The following DPP6 variants were observed in gnomAD, a reference collection of about 807,000 sequenced individuals.
DPP6 encodes the protein A-type potassium channel modulatory protein DPP6.
Under a neutral mutation model 122.6 loss-of-function variants are expected in DPP6, and 69 were observed. That is an observed-to-expected ratio of 0.56 (90% CI 0.46 to 0.69). The LOEUF (loss-of-function observed/expected upper bound fraction) is 0.69, where lower values mean the gene tolerates loss of function less well. Among genes scored for constraint, DPP6 ranks in the 30% least tolerant of loss-of-function variants. DPP6 has a pLI of 0.00. For synonymous variants in DPP6, 418 were observed against 433.1 expected (o/e 0.97, Z 0.43); for missense variants, 928 against 1,116.9 (o/e 0.83, Z 2.41).
At chr7:154,774,941 C>T (rs1016774072) in intron 10 of DPP6, among the ~76,000 whole-genome samples, 6 of 152,190 alleles carry the variant, frequency 3.9e-5, no homozygotes, top group African/African-American at 1.4e-4. Flanking sequence ...CGGCTGAGGT[C>T]AGAGTTTCTG....
intron 1 of DPP6, among the ~76,000 whole-genome samples, chr7:154,004,816 T>G (rs1163355812): frequency 6.6e-6 from 1 of 152,232 alleles, no homozygotes. Context: ...TAACTTTTCA[T>G]TTGTTCCCAA....
chr7:153,892,611 A>G (rs944401556), intron 1 of DPP6, among the ~76,000 whole-genome samples: 1 of 152,130 alleles, frequency 6.6e-6, no homozygotes, highest in Non-Finnish European at 1.5e-5. Flanking sequence ...CAAATCTTCT[A>G]TTATTGAAGT....
intron 1 of DPP6, among the ~76,000 whole-genome samples, chr7:154,333,263 T>TG (rs1554519884): frequency 6.6e-6 from 1 of 152,070 alleles, no homozygotes. Context: ...CTTTTTTTTT[T>TG]AAATTGAGTG....
At chr7:154,515,284 A>G (rs1243596977) in intron 3 of DPP6, among the ~76,000 whole-genome samples, 5 of 152,196 alleles carry the variant, frequency 3.3e-5, no homozygotes, top group African/African-American at 9.7e-5. Context: ...ATTCTCTGGA[A>G]TACCATGTGA....
intron 16 of DPP6, among the ~76,000 whole-genome samples, chr7:154,816,424 A>G (rs541389438): frequency 6.6e-6 from 1 of 152,282 alleles, no homozygotes; most frequent in South Asian, 2.1e-4. Context: ...AAAAAACATT[A>G]TATATATGGG....
At chr7:154,645,012 A>C (rs2130958142) in intron 6 of DPP6, among the ~76,000 whole-genome samples, 1 of 148,814 alleles carries the variant, frequency 6.7e-6, no homozygotes, top group Admixed American at 6.7e-5. Context: ...GGCATTGAAG[A>C]GGGGAGAATT....
At chr7:154,540,819 TC>T (rs1421497788) in intron 4 of DPP6, among the ~76,000 whole-genome samples, 193 bp downstream of exon 4, 1 of 152,216 alleles carries the variant, frequency 6.6e-6, no homozygotes, top group Non-Finnish European at 1.5e-5. Flanking sequence ...AAGCACTGTT[TC>T]TTTCATTGTC....
chr7:154,400,373 A>C (rs1368230163), intron 1 of DPP6, among the ~76,000 whole-genome samples: 1 of 152,204 alleles, frequency 6.6e-6, no homozygotes, highest in Non-Finnish European at 1.5e-5. Context: ...GCAGTGACTT[A>C]TGAGGGACAA....
intron 16 of DPP6, among the ~76,000 whole-genome samples, chr7:154,847,021 T>C (rs1801995867): frequency 6.6e-6 from 1 of 152,232 alleles, no homozygotes; most frequent in African/African-American, 2.4e-5. Context: ...ATTTGTGACC[T>C]GTACATAGTT....
chr7:154,549,243 C>T (rs924744489), intron 4 of DPP6, among the ~76,000 whole-genome samples: 1 of 152,182 alleles, frequency 6.6e-6, no homozygotes, highest in African/African-American at 2.4e-5. Flanking sequence ...TGTTACAAGC[C>T]AGAAGGCTTT....
At chr7:154,834,019 C>T (rs886341876) in intron 16 of DPP6, among the ~76,000 whole-genome samples, 5 of 152,050 alleles carry the variant, frequency 3.3e-5, no homozygotes, top group East Asian at 1.9e-4. Flanking sequence ...TCATCAGCAC[C>T]GTTTCCAAAC....
intron 7 of DPP6, among the ~76,000 whole-genome samples, chr7:154,674,350 C>T (rs1838757332): frequency 6.6e-6 from 1 of 152,198 alleles, no homozygotes; most frequent in African/African-American, 2.4e-5. Context: ...TGGAAGCACA[C>T]AGACTTTGAG....
intron 1 of DPP6, among the ~76,000 whole-genome samples, chr7:154,153,761 A>C (rs1426837799): frequency 2.0e-5 from 3 of 152,264 alleles, no homozygotes; most frequent in Non-Finnish European, 4.4e-5. Flanking sequence ...TTGAAGCAAT[A>C]GTCAACACAT....
At chr7:154,193,022 T>C (rs908641509) in intron 1 of DPP6, among the ~76,000 whole-genome samples, 13 of 152,238 alleles carry the variant, frequency 8.5e-5, no homozygotes, top group Non-Finnish European at 1.8e-4. Flanking sequence ...GCTTCCTGTA[T>C]ACATGTAGAC....
chr7:154,548,117 G>A (rs975234650), intron 4 of DPP6, among the ~76,000 whole-genome samples: 2 of 152,034 alleles, frequency 1.3e-5, no homozygotes, highest in African/African-American at 4.8e-5. Flanking sequence ...GCTGAGGCAG[G>A]AGAATTGCGT....
intron 1 of DPP6, among the ~76,000 whole-genome samples, chr7:154,340,741 G>A (rs989618660): frequency 4.6e-5 from 7 of 152,120 alleles, no homozygotes; most frequent in African/African-American, 1.4e-4. Flanking sequence ...CTTTACATAC[G>A]TTATTGCAAT....
At chr7:154,336,248 T>C (rs993560245) in intron 1 of DPP6, among the ~76,000 whole-genome samples, 2 of 152,172 alleles carry the variant, frequency 1.3e-5, no homozygotes, top group African/African-American at 4.8e-5. Context: ...CAGTGATCTG[T>C]GACCCAGCCC....
At chr7:154,811,023 A>G (rs1256227883) in intron 16 of DPP6, among the ~76,000 whole-genome samples, 3 of 152,220 alleles carry the variant, frequency 2.0e-5, no homozygotes, top group African/African-American at 7.2e-5. Context: ...TTCCTGAATC[A>G]TTTAAGATCT....
Position 154,165,987 on chromosome 7 carries a change from A to G in DPP6, c.243+112924A>G, listed in dbSNP as rs536980968. 1.4e-3 allele frequency among the ~76,000 whole-genome samples: 207 copies of G among 152,322 alleles called. 2 individuals are homozygous for G. The highest frequency in any genetic ancestry group is 5.0e-3 in the African/African-American group (206 of 41,568). ...TAAGATACTTGGTTTTGTTCCAACT[A>G]ATACCTCTCCTGCCTTTTTTTGGTC... On this transcript the variant is annotated intron_variant, in intron 1 of 25. Coordinates refer to ENST00000377770, the MANE Select transcript of DPP6 (RefSeq NM_130797.4).
Sources: allele counts gnomAD v4.1 joint callset (sites outside exome capture counted in the v4.1 genomes callset), GRCh38; gene constraint gnomAD v4.1.1; transcripts MANE v1.5; gene names NCBI Gene and HGNC (gene_info 2026-07-23, HGNC 2026-07-21).